The following STXBP5 variants were observed in gnomAD, a reference collection of about 807,000 sequenced individuals.
The protein encoded by STXBP5 is syntaxin-binding protein 5.
In STXBP5, 50 loss-of-function variants were observed where a neutral mutation model predicts 152.4. The ratio of observed to expected loss-of-function variants is 0.33; its 90% confidence interval spans 0.26 to 0.42. STXBP5 has a LOEUF of 0.42. Ranked by LOEUF, STXBP5 falls within the 10% of genes least tolerant of loss-of-function variation. STXBP5 has a pLI of 1.00. For synonymous variants in STXBP5, 492 were observed against 494.7 expected (o/e 0.99, Z 0.07); for missense variants, 1,167 against 1,388.6 (o/e 0.84, Z 2.54).
At chr6:147,308,306 A>G (rs2128368238) in intron 9 of STXBP5, among the ~76,000 whole-genome samples, 1 of 152,318 alleles carries the variant, frequency 6.6e-6, no homozygotes, top group East Asian at 1.9e-4. Context: ...AGGTTGAAAC[A>G]CTGAATGTAT....
intron 21 of STXBP5, among the ~76,000 whole-genome samples, chr6:147,346,808 A>G (rs914852336): frequency 2.0e-5 from 3 of 152,160 alleles, no homozygotes; most frequent in African/African-American, 4.8e-5. Context: ...GCCACCCACT[A>G]AAAACAACTA....
At chr6:147,239,553 A>T (rs999328050) in intron 4 of STXBP5, among the ~76,000 whole-genome samples, 11 of 152,272 alleles carry the variant, frequency 7.2e-5, no homozygotes, top group Middle Eastern at 3.4e-3. Flanking sequence ...TTTGCATAAA[A>T]GGGAAGCTAT....
chr6:147,347,293 C>G (rs1011637296), intron 21 of STXBP5, among the ~76,000 whole-genome samples: 6 of 152,100 alleles, frequency 3.9e-5, no homozygotes, highest in African/African-American at 1.4e-4. Flanking sequence ...AAAGAGTTTT[C>G]AAGGATGAAG....
At chr6:147,343,950 T>C (rs1217216267) in intron 21 of STXBP5, among the ~76,000 whole-genome samples, 4 of 152,288 alleles carry the variant, frequency 2.6e-5, no homozygotes, top group African/African-American at 9.6e-5. Context: ...TAGTGTACAG[T>C]GATACCATTT....
chr6:147,334,089 TA>T, intron 18 of STXBP5, 67 bp from the exon 19 acceptor site: 1 of 1,499,106 alleles, frequency 6.7e-7, no homozygotes, highest in Non-Finnish European at 9.2e-7. Flanking sequence ...ATGTGTACTA[TA>T]AATAAAAGAC....
At chr6:147,321,018 G>A (rs1196711297) in intron 16 of STXBP5, among the ~76,000 whole-genome samples, 2 of 152,132 alleles carry the variant, frequency 1.3e-5, no homozygotes, top group African/African-American at 4.8e-5. Context: ...TCATGAGAGA[G>A]ATAACTAGTC....
chr6:147,217,400 T>C (rs1041918761), intron 2 of STXBP5, among the ~76,000 whole-genome samples: 17 of 152,230 alleles, frequency 1.1e-4, no homozygotes, highest in African/African-American at 4.1e-4. Context: ...AGAATTTACA[T>C]TCTTTCTTGT....
chr6:147,242,782 G>A (rs1177237848), intron 4 of STXBP5, among the ~76,000 whole-genome samples: 2 of 152,118 alleles, frequency 1.3e-5, no homozygotes, highest in Non-Finnish European at 2.9e-5. Flanking sequence ...TTCACACAAT[G>A]TTGAACTCAC....
chr6:147,360,346 A>G (rs889309401), intron 23 of STXBP5, among the ~76,000 whole-genome samples: 3 of 152,186 alleles, frequency 2.0e-5, no homozygotes, highest in East Asian at 1.9e-4. Flanking sequence ...ACACATGCAC[A>G]TGTATGTTTA....
chr6:147,257,771 A>G (rs1220682930), intron 4 of STXBP5, among the ~76,000 whole-genome samples: 1 of 152,170 alleles, frequency 6.6e-6, no homozygotes, highest in Non-Finnish European at 1.5e-5. Flanking sequence ...TTATTTTATT[A>G]CTAATAGGTC....
At chr6:147,352,240 GTTAAC>G (rs968505791) in intron 21 of STXBP5, among the ~76,000 whole-genome samples, 2 of 152,184 alleles carry the variant, frequency 1.3e-5, no homozygotes, top group South Asian at 2.1e-4. Context: ...AAATAGAAGA[GTTAAC>G]TTATATCAAG....
intron 21 of STXBP5, among the ~76,000 whole-genome samples, chr6:147,349,302 G>C (rs1474048435): frequency 1.3e-5 from 2 of 152,128 alleles, no homozygotes; most frequent in Non-Finnish European, 2.9e-5. Flanking sequence ...TACTTAAAAA[G>C]CATTAGAGCC....
chr6:147,287,878 C>A (rs1310481160), intron 8 of STXBP5, among the ~76,000 whole-genome samples: 1 of 152,132 alleles, frequency 6.6e-6, no homozygotes, highest in Admixed American at 6.5e-5. Flanking sequence ...CTATATTCTT[C>A]AGATTTCTAC....
At chr6:147,363,913 A>T in intron 24 of STXBP5, 88 bp from the exon 25 acceptor site, 1 of 1,448,916 alleles carries the variant, frequency 6.9e-7, no homozygotes, top group Non-Finnish European at 9.3e-7. Flanking sequence ...CATAAGATTT[A>T]TGAGGTCTCT....
At chr6:147,318,217 G>C (rs1300541665) in intron 16 of STXBP5, among the ~76,000 whole-genome samples, 1 of 152,168 alleles carries the variant, frequency 6.6e-6, no homozygotes, top group Non-Finnish European at 1.5e-5. Context: ...AGAGGAAATA[G>C]TACTGACAGG....
At chr6:147,339,122 G>A (rs957608019) in intron 19 of STXBP5, 57 bp from the exon 20 acceptor site, 3 of 1,394,070 alleles carry the variant, frequency 2.2e-6, no homozygotes, top group Non-Finnish European at 1.9e-6. Context: ...TCTTGTTACA[G>A]CTCAGTATTT....
chr6:147,217,206 T>G (rs117620146), intron 2 of STXBP5, among the ~76,000 whole-genome samples: 4,663 of 152,306 alleles, frequency 0.031, 114 homozygotes, highest in Non-Finnish European at 0.051. Flanking sequence ...TCTTTTTGTC[T>G]TTTGAAAAGG....
At chr6:147,320,806 C>T (rs1027815980) in intron 16 of STXBP5, among the ~76,000 whole-genome samples, 2 of 151,940 alleles carry the variant, frequency 1.3e-5, no homozygotes, top group Non-Finnish European at 2.9e-5. Context: ...AGTAATGGCT[C>T]TATTGATACA....
chr6:147,262,603 T>G (rs1231793340), intron 6 of STXBP5, among the ~76,000 whole-genome samples: 2 of 151,956 alleles, frequency 1.3e-5, no homozygotes, highest in Non-Finnish European at 2.9e-5. Flanking sequence ...AGGTTATTAA[T>G]TTATATTTGG....
Sources: gnomAD v4.1 joint callset for allele counts (sites outside exome capture counted in the v4.1 genomes callset) on GRCh38, gnomAD v4.1.1 for gene constraint, MANE v1.5 for transcripts, NCBI Gene and HGNC (gene_info 2026-07-23, HGNC 2026-07-21) for gene names.